The following CDCP1 variants were observed in gnomAD, a reference collection of about 807,000 sequenced individuals.
CDCP1 encodes CUB domain containing protein 1, also known as CUB domain-containing protein 1.
In CDCP1, 29 loss-of-function variants were observed where a neutral mutation model predicts 60.2. The ratio of observed to expected loss-of-function variants is 0.48; its 90% CI spans 0.36 to 0.66. The LOEUF (loss-of-function observed/expected upper bound fraction) is 0.66. CDCP1 is among the 30% of genes least tolerant of loss of function. The probability of loss-of-function intolerance (pLI) is 0.00; values close to 1 mark genes in which losing one functional copy is unlikely to be tolerated. For missense variants in CDCP1, 876 were observed against 1,074.3 expected (o/e 0.82, Z 2.58); for synonymous variants, 387 against 431.1 (o/e 0.90, Z 1.27).
intron 1 of CDCP1, among the ~76,000 whole-genome samples, chr3:45,119,876 T>C (rs1698853987): frequency 6.6e-6 from 1 of 152,158 alleles, no homozygotes; most frequent in Non-Finnish European, 1.5e-5. Flanking sequence ...CCACTCCAAG[T>C]CCTAGAAAAC....
At chr3:45,145,227 C>A (rs949878022) in intron 1 of CDCP1, among the ~76,000 whole-genome samples, 1 of 152,062 alleles carries the variant, frequency 6.6e-6, no homozygotes, top group Non-Finnish European at 1.5e-5. Flanking sequence ...TTTACACCTG[C>A]CAAACACAAA....
intron 7 of CDCP1, among the ~76,000 whole-genome samples, chr3:45,090,410 C>T (rs11928049): frequency 0.45 from 68,324 of 152,102 alleles, 16,317 homozygotes; most frequent in Middle Eastern, 0.63. Context: ...AGGCCTCCCA[C>T]TGAGGGTATT....
At position 45,112,382 on chromosome 3, in the gene CDCP1, G is replaced by A; in HGVS notation, c.356C>T (p.Pro119Leu). The change falls in exon 3 of 9, where the codon CCT becomes CTT. Residue 119 changes from proline (P) to leucine (L), a missense_variant. Physicochemically the swap from Pro to Leu is moderately conservative, Grantham distance 98. This residue lies in a region of CDCP1 where 726 missense variants were observed against 935.7 expected (regional missense o/e 0.78). Coordinates refer to ENST00000296129, the MANE Select transcript of CDCP1 (RefSeq NM_022842.5). ...VQLQPSTSLL[P>L]TLNRTFIWDV... ...CCAGATGAAAGTTCTGTTGAGGGTA[G>A]GCAACAACGATGTCGAGGGCTGAAG... 6.2e-7 allele frequency: 1 copy of A among 1,614,214 alleles called. No homozygotes were observed. Among genetic ancestry groups the A allele is most frequent in the Non-Finnish European group, 8.5e-7 (1 of 1,180,034 alleles).
rs563943934 is a variant in CDCP1, at chr3:45,121,457, G to C, written c.83-2836C>G. 2.0e-5 allele frequency among the ~76,000 whole-genome samples: 3 copies of C among 152,236 alleles called. No homozygotes were observed. In the South Asian group the frequency reaches 6.2e-4, roughly 32 times the overall value. ...GTGTTATTTGTAAAAAAAATTCTTG[G>C]AGCCCTCAGTCTCTCCAAGTTGGGC... On this transcript the variant is annotated intron_variant, in intron 1 of 8. Coordinates refer to ENST00000296129, the MANE Select transcript of CDCP1 (RefSeq NM_022842.5).
chr3:45,104,818 C>G (rs1357782822), intron 4 of CDCP1, among the ~76,000 whole-genome samples: 2 of 152,160 alleles, frequency 1.3e-5, no homozygotes, highest in Non-Finnish European at 2.9e-5. Context: ...CTTTGGGAGG[C>G]TGAGGTGGGC....
At chr3:45,094,282 G>T (rs543887077) in intron 5 of CDCP1, among the ~76,000 whole-genome samples, 8 of 152,014 alleles carry the variant, frequency 5.3e-5, no homozygotes, top group Non-Finnish European at 2.9e-5. Flanking sequence ...CTGGAGTGAA[G>T]TGGTGCGATC....
At position 45,134,404 on chromosome 3, in the gene CDCP1, G is replaced by A. The variant is rs557382442; in HGVS notation, c.82+11802C>T. 2.5e-3 allele frequency among the ~76,000 whole-genome samples: 382 copies of A among 152,296 alleles called. 3 individuals are homozygous for A. The highest frequency in any genetic ancestry group is 0.014 in the Middle Eastern group (4 of 294). On this transcript the variant is annotated intron_variant, in intron 1 of 8. Coordinates refer to ENST00000296129, the MANE Select transcript of CDCP1 (RefSeq NM_022842.5). Reference sequence around the variant, plus strand: ...CTCCCAAAGTGCTGGGATTACAGGCGCGGGCCACCGCGCCCGGCCCAGATC... The same window carrying A: ...CTCCCAAAGTGCTGGGATTACAGGCACGGGCCACCGCGCCCGGCCCAGATC...
chr3:45,104,005 C>T (rs1223504929), intron 4 of CDCP1, among the ~76,000 whole-genome samples: 2 of 152,254 alleles, frequency 1.3e-5, no homozygotes, highest in African/African-American at 4.8e-5. Flanking sequence ...CCATTTGACA[C>T]TCCCAGGAGC....
chr3:45,137,824 C>T (rs1158450548), intron 1 of CDCP1, among the ~76,000 whole-genome samples: 9 of 145,964 alleles, frequency 6.2e-5, no homozygotes, highest in Non-Finnish European at 1.2e-4. Flanking sequence ...AAAAAGTCTT[C>T]TATGTTCCGT....
At position 45,098,431 on chromosome 3, in the gene CDCP1, C is replaced by A. The variant is rs375348863; in HGVS notation, c.1025-2863G>T. 5.6e-4 allele frequency among the ~76,000 whole-genome samples: 85 copies of A among 152,184 alleles called. No individual in the cohort carries two copies. In the East Asian group the frequency reaches 0.013, roughly 24 times the overall value. ...TAACAAATCCGTGACTGTGGTTACC[C>A]CAGGGGAGGAGCCTGGGATAACCGC... On this transcript the variant is annotated intron_variant, in intron 4 of 8. Coordinates refer to ENST00000296129, the MANE Select transcript of CDCP1 (RefSeq NM_022842.5).
At chr3:45,105,905 G>C (rs924029895) in intron 4 of CDCP1, among the ~76,000 whole-genome samples, 1 of 152,194 alleles carries the variant, frequency 6.6e-6, no homozygotes, top group Non-Finnish European at 1.5e-5. Context: ...TTGTGTGGTA[G>C]AGGTGAACAT....
At chr3:45,115,680 C>T (rs1698776818) in intron 2 of CDCP1, among the ~76,000 whole-genome samples, 1 of 151,870 alleles carries the variant, frequency 6.6e-6, no homozygotes, top group Non-Finnish European at 1.5e-5. Context: ...AGAATTTACA[C>T]TTTAAAAATA....
At chr3:45,111,944 T>C (rs377676245) in intron 3 of CDCP1, 139 bp downstream of exon 3, 2 of 1,124,672 alleles carry the variant, frequency 1.8e-6, no homozygotes, top group East Asian at 2.6e-5. Flanking sequence ...CCCATGTCAC[T>C]TATAAGAGAG....
intron 6 of CDCP1, among the ~76,000 whole-genome samples, chr3:45,093,065 A>C (rs985835013): frequency 5.3e-5 from 8 of 152,166 alleles, no homozygotes; most frequent in African/African-American, 1.7e-4. Flanking sequence ...TGTCAGAAAC[A>C]TTTTTTATTT....
At chr3:45,116,695 T>C (rs1159024394) in intron 2 of CDCP1, among the ~76,000 whole-genome samples, 1 of 152,236 alleles carries the variant, frequency 6.6e-6, no homozygotes, top group African/African-American at 2.4e-5. Context: ...TATCTGCTCC[T>C]TGAAGTTTTA....
chr3:45,091,140 A>C lies in CDCP1; in HGVS notation c.1993+33T>G. 6.3e-7 allele frequency: 1 copy of C among 1,578,634 alleles called. No individual in the cohort carries two copies. The highest frequency in any genetic ancestry group is 8.6e-7 in the Non-Finnish European group (1 of 1,160,412). ...TCCTCCAGCTGACAATTTTTTGTTC[A>C]TCACTGTCCCCAAAGACCCTGAAGG... On this transcript the variant is annotated intron_variant, in intron 7 of 8. Coordinates refer to ENST00000296129, the MANE Select transcript of CDCP1 (RefSeq NM_022842.5). This position sits in a 1 kb window ranked among gnomAD's most constrained non-coding sequence, Gnocchi z 4.8.
chr3:45,137,941 G>T (rs1699217563), intron 1 of CDCP1, among the ~76,000 whole-genome samples: 1 of 152,180 alleles, frequency 6.6e-6, no homozygotes. Flanking sequence ...TCTCTCAGCA[G>T]GGATTAAAGG....
chr3:45,131,033 AT>A (rs973601837), intron 1 of CDCP1, among the ~76,000 whole-genome samples: 20 of 151,950 alleles, frequency 1.3e-4, no homozygotes, highest in African/African-American at 4.4e-4. Context: ...TGCCTGGCTA[AT>A]TTTTTTGTTT....
intron 1 of CDCP1, among the ~76,000 whole-genome samples, chr3:45,124,411 A>G (rs983542818): frequency 6.6e-6 from 1 of 152,120 alleles, no homozygotes; most frequent in African/African-American, 2.4e-5. Flanking sequence ...TCTCTGTCCA[A>G]GGAAGATGGA....
Sources: gnomAD v4.1 joint callset for allele counts (sites outside exome capture counted in the v4.1 genomes callset) on GRCh38, gnomAD v4.1.1 for gene constraint, gnomAD v4.1.1 regional missense constraint, Gnocchi (gnomAD v3.1) non-coding constraint, MANE v1.5 for transcripts, NCBI Gene and HGNC (gene_info 2026-07-23, HGNC 2026-07-21) for gene names.